TNFSF18: variants seen among roughly 807,000 people sequenced by gnomAD.
TNFSF18 encodes tumor necrosis factor ligand superfamily member 18.
In TNFSF18, 6 loss-of-function variants were observed where a neutral mutation model predicts 9.6. That is an observed-to-expected ratio of 0.63 (90% CI 0.34 to 1.24). The LOEUF (loss-of-function observed/expected upper bound fraction) is 1.24, where lower values mean the gene tolerates loss of function less well. Ranked by LOEUF, TNFSF18 falls within the 50% of genes most tolerant of loss-of-function variation. The pLI is 0.03. For missense variants in TNFSF18, 210 were observed against 201.0 expected, an observed-to-expected ratio of 1.04 and a Z score of -0.27; for synonymous variants, 68 against 71.7, an observed-to-expected ratio of 0.95 and a Z score of 0.26.
Position 173,041,517 on chromosome 1 carries a change from TGTTA to T in TNFSF18, c.380_383del (p.Leu127GlnfsTer9), listed in dbSNP as rs755807226. The T allele has an allele frequency of 6.2e-7, 1 of 1,613,588 alleles. No homozygotes were observed. The highest frequency in any genetic ancestry group is 8.5e-7 in the Non-Finnish European group (1 of 1,179,634). ...CTACATTTTGGATTTTAGATTTGTT[TGTTA>T]GAGTTTGTATCATGTCTTTGTTTTT... On this transcript the variant is annotated frameshift_variant, in exon 3 of 3. Transcript: ENST00000404377. LOFTEE classifies it low-confidence loss of function (END_TRUNC).
At chr1:173,046,875 T>A (rs1272966785) in intron 1 of TNFSF18, among the ~76,000 whole-genome samples, 1 of 135,468 alleles carries the variant, frequency 7.4e-6, no homozygotes, top group Non-Finnish European at 1.6e-5. Context: ...CTACACTTGT[T>A]TTTTTTTGTT....
intron 2 of TNFSF18, 118 bp from the exon 3 acceptor site, chr1:173,041,831 A>G (rs1665000521): frequency 3.3e-6 from 3 of 908,000 alleles, no homozygotes; most frequent in South Asian, 2.1e-5. Context: ...CCTGATCTAC[A>G]CTAGTTCTCT....
chr1:173,044,987 A>G (rs1359626068), intron 1 of TNFSF18, among the ~76,000 whole-genome samples: 1 of 152,170 alleles, frequency 6.6e-6, no homozygotes. Flanking sequence ...GCATAATTGG[A>G]AAGATAAAGT....
At chr1:173,045,984 G>A (rs753185756) in intron 1 of TNFSF18, among the ~76,000 whole-genome samples, 23 of 152,110 alleles carry the variant, frequency 1.5e-4, no homozygotes, top group Non-Finnish European at 3.1e-4. Flanking sequence ...AGTGAGAATG[G>A]GGAAGAGTTA....
chr1:173,043,734 G>A (rs6682126), intron 2 of TNFSF18, among the ~76,000 whole-genome samples: 3,485 of 152,272 alleles, frequency 0.023, 122 homozygotes, highest in African/African-American at 0.08. Flanking sequence ...TTCAACATAA[G>A]CTTTATCAGG....
intron 2 of TNFSF18, among the ~76,000 whole-genome samples, chr1:173,042,962 G>T (rs1221602757): frequency 6.6e-6 from 1 of 152,102 alleles, no homozygotes; most frequent in East Asian, 1.9e-4. Context: ...TGAGCTCGGA[G>T]CCCAGTAAAT....
In TNFSF18 at chr1:173,040,600, G is replaced by A. The variant is rs1217557824; in HGVS notation, c.*767C>T. The A allele has an allele frequency of 6.6e-6, 1 of 152,128 alleles. No individual in the cohort carries two copies. The highest frequency in any genetic ancestry group is 1.5e-5 in the Non-Finnish European group (1 of 68,012). 9.4% of individuals were successfully genotyped at this position (152,128 alleles called of 1,614,324 possible). A position where few individuals can be genotyped will look rare whatever the true frequency, so the allele number is the denominator to read the frequency against. Reference sequence around the variant, plus strand: ...TCATTACATGACATAATCCAGTAATGATAATACCATTCTGGGGTTAAACCT... The same window carrying A: ...TCATTACATGACATAATCCAGTAATAATAATACCATTCTGGGGTTAAACCT... On this transcript the variant is annotated 3_prime_UTR_variant, in exon 3 of 3. Coordinates refer to ENST00000404377, the MANE Select transcript of TNFSF18 (RefSeq NM_005092.4).
chr1:173,044,035 T>A, intron 1 of TNFSF18, 66 bp from the exon 2 acceptor site: 1 of 1,441,212 alleles, frequency 6.9e-7, no homozygotes, highest in Non-Finnish European at 9.8e-7. Context: ...TTTGATTGAT[T>A]TATTTAGAGC....
Position 173,041,188 on chromosome 1 carries a change from C to A in TNFSF18, c.*179G>T. ...TGCAGATCCAACCAAAAGTCTTTGG[C>A]TCTTCCCCTGAGTCTCTTTCAGATA... On this transcript the variant is annotated 3_prime_UTR_variant, in exon 3 of 3. Coordinates refer to ENST00000404377, the MANE Select transcript of TNFSF18 (RefSeq NM_005092.4). The A allele has an allele frequency of 1.8e-6, 1 of 546,444 alleles. No individual in the cohort carries two copies. The highest frequency in any genetic ancestry group is 3.2e-6 in the Non-Finnish European group (1 of 316,824). 33.8% of individuals were successfully genotyped at this position (546,444 alleles called of 1,614,324 possible).
chr1:173,045,078 G>A (rs1339659286), intron 1 of TNFSF18, among the ~76,000 whole-genome samples: 1 of 152,156 alleles, frequency 6.6e-6, no homozygotes, highest in Non-Finnish European at 1.5e-5. Context: ...GGACATATTA[G>A]TTTGTGATGC....
intron 1 of TNFSF18, among the ~76,000 whole-genome samples, chr1:173,046,096 C>T (rs528531712): frequency 6.6e-6 from 1 of 152,300 alleles, no homozygotes; most frequent in Non-Finnish European, 1.5e-5. Flanking sequence ...ATGAAATCCA[C>T]TTGAAGGCAG....
chr1:173,044,049 G>GTAT, intron 1 of TNFSF18, 80 bp from the exon 2 acceptor site: 1 of 1,317,844 alleles, frequency 7.6e-7, no homozygotes. Context: ...TTAGAGCTTT[G>GTAT]AATTCCTGAA....
rs909152412 is a variant in TNFSF18 at position 173,039,984 on chromosome 1, C to A, written c.*1383G>T. The stretch of plus-strand genomic sequence containing the variant: ...TAGCTTTACATGTAATATTATTTAA[C>A]ATAATGCAGCTTTTCACAAATATCC... On this transcript the variant is annotated 3_prime_UTR_variant, in exon 3 of 3. Coordinates refer to ENST00000404377, the MANE Select transcript of TNFSF18 (RefSeq NM_005092.4). The A allele has an allele frequency of 1.3e-5, 2 of 151,880 alleles. No individual in the cohort carries two copies. Among genetic ancestry groups the A allele is most frequent in the Admixed American group, 1.3e-4 (2 of 15,220 alleles). 9.4% of individuals were successfully genotyped at this position (151,880 alleles called of 1,614,324 possible).
rs571471091 is a variant in TNFSF18, at chr1:173,041,098, T to C, written c.*269A>G. On this transcript the variant is annotated 3_prime_UTR_variant, in exon 3 of 3. Coordinates refer to ENST00000404377, the MANE Select transcript of TNFSF18 (RefSeq NM_005092.4). Reference sequence around the variant, plus strand: ...CATGAATTCAAGAATTAGATAAAGATTCTTTGAAAAGCACATGTCCTCTGT... The same window carrying C: ...CATGAATTCAAGAATTAGATAAAGACTCTTTGAAAAGCACATGTCCTCTGT... 37 of 308,036 alleles carry C rather than the reference T, an allele frequency of 1.2e-4. No homozygotes were observed. In the South Asian group the frequency reaches 4.7e-3, roughly 39 times the overall value. The allele number at this position is 308,036 out of a possible 1,614,324, so 19.1% of individuals were successfully genotyped here. A position where few individuals can be genotyped will look rare whatever the true frequency, so the allele number is the denominator to read the frequency against.
intron 2 of TNFSF18, 97 bp from the exon 3 acceptor site, chr1:173,041,810 T>TTTTTA: frequency 9.9e-7 from 1 of 1,005,048 alleles, no homozygotes; most frequent in Non-Finnish European, 1.3e-6. Context: ...CACATACATG[T>TTTTTA]TGTTTCTTTA....
At chr1:173,045,869 A>G (rs1179918871) in intron 1 of TNFSF18, among the ~76,000 whole-genome samples, 1 of 152,192 alleles carries the variant, frequency 6.6e-6, no homozygotes, top group Non-Finnish European at 1.5e-5. Flanking sequence ...AAGACAGAAT[A>G]ACAGTATACC....
In TNFSF18 at chr1:173,040,083, G is replaced by C. The variant is rs1664965189; in HGVS notation, c.*1284C>G. On this transcript the variant is annotated 3_prime_UTR_variant, in exon 3 of 3. Coordinates refer to ENST00000404377, the MANE Select transcript of TNFSF18 (RefSeq NM_005092.4). The stretch of plus-strand genomic sequence containing the variant: ...AAGAACCTGCAAGTAGCTAATTTAA[G>C]AGTCCAAAAATTTTGAATTAGTGCT... 6.6e-6 allele frequency: 1 copy of C among 152,018 alleles called. No individual in the cohort carries two copies. Among genetic ancestry groups the C allele is most frequent in the Admixed American group, 6.6e-5 (1 of 15,234 alleles). The allele number at this position is 152,018 out of a possible 1,614,324, so 9.4% of individuals were successfully genotyped here. A position where few individuals can be genotyped will look rare whatever the true frequency, so the allele number is the denominator to read the frequency against.
chr1:173,047,482 T>C (rs943540688), intron 1 of TNFSF18, among the ~76,000 whole-genome samples: 12 of 152,198 alleles, frequency 7.9e-5, no homozygotes, highest in African/African-American at 2.9e-4. Flanking sequence ...AATTTAAGCA[T>C]CCATATTTCC....
At chr1:173,046,945 T>C (rs1665094754) in intron 1 of TNFSF18, among the ~76,000 whole-genome samples, 1 of 151,902 alleles carries the variant, frequency 6.6e-6, no homozygotes, top group African/African-American at 2.4e-5. Context: ...CAGGCTGGAG[T>C]GCAGTGGTGT....
Sources: allele counts gnomAD v4.1 joint callset (sites outside exome capture counted in the v4.1 genomes callset), GRCh38; gene constraint gnomAD v4.1.1; transcripts MANE v1.5; gene names NCBI Gene and HGNC (gene_info 2026-07-23, HGNC 2026-07-21).